Variants in EXOC6B observed in about 807,000 individuals in gnomAD.
EXOC6B encodes SEC15 homolog B.
EXOC6B carries 54 observed loss-of-function variants against 113.5 expected under a neutral mutation model. The ratio of observed to expected loss-of-function variants is 0.48; its 90% CI spans 0.38 to 0.60. EXOC6B has a LOEUF of 0.60. Among genes scored for constraint, EXOC6B ranks in the 20% least tolerant of loss-of-function variants. The pLI is 0.00. For missense variants in EXOC6B, 797 were observed against 977.5 expected, an observed-to-expected ratio of 0.82 and a Z score of 2.46; for synonymous variants, 357 against 339.0, an observed-to-expected ratio of 1.05 and a Z score of -0.58.
chr2:72,241,717 T>C (rs529959760), intron 20 of EXOC6B, among the ~76,000 whole-genome samples: 2 of 152,006 alleles, frequency 1.3e-5, no homozygotes, highest in Non-Finnish European at 2.9e-5. Context: ...ATATTTAAAA[T>C]GTTGAAAGAA....
intron 6 of EXOC6B, among the ~76,000 whole-genome samples, chr2:72,673,866 T>G (rs887511632): frequency 2.0e-5 from 3 of 151,940 alleles, no homozygotes; most frequent in African/African-American, 7.2e-5. Flanking sequence ...TGTACTTAGT[T>G]TTTAAATTCC....
rs201934111 is a variant in EXOC6B at position 72,660,819 on chromosome 2, C to CT, written c.669+57283dup. Among the ~76,000 whole-genome samples, 917 of 143,984 alleles carry CT rather than the reference C, an allele frequency of 6.4e-3. 9 individuals are homozygous for CT. Among genetic ancestry groups the CT allele is most frequent in the African/African-American group, 0.019 (769 of 39,734 alleles). The allele number at this position is 143,984 out of a possible 152,430, so 94.5% of individuals were successfully genotyped here. On this transcript the variant is annotated intron_variant, in intron 6 of 21. Coordinates refer to ENST00000272427, the MANE Select transcript of EXOC6B (RefSeq NM_015189.3). Reference sequence around the variant, plus strand: ...ATTACACAATTGGCACTAAGTTTACCTTTTTTTTTTTTTTCCTTCTGGTAT... The same window carrying CT: ...ATTACACAATTGGCACTAAGTTTACCTTTTTTTTTTTTTTTCCTTCTGGTAT...
intron 18 of EXOC6B, among the ~76,000 whole-genome samples, chr2:72,442,908 CA>C (rs1192486109): frequency 6.6e-6 from 1 of 151,924 alleles, no homozygotes; most frequent in Non-Finnish European, 1.5e-5. Context: ...CATTATGAAC[CA>C]AAAAAGAGCC....
intron 19 of EXOC6B, among the ~76,000 whole-genome samples, chr2:72,360,973 T>C (rs1379474212): frequency 6.6e-6 from 1 of 151,840 alleles, no homozygotes; most frequent in Non-Finnish European, 1.5e-5. Flanking sequence ...TGACCCCTTA[T>C]TCTTCTCCAA....
chr2:72,315,562 G>A (rs1327995746), intron 20 of EXOC6B, among the ~76,000 whole-genome samples: 3 of 152,124 alleles, frequency 2.0e-5, no homozygotes, highest in South Asian at 4.1e-4. Context: ...AAGCTATTGC[G>A]AGAATACTTA....
intron 20 of EXOC6B, among the ~76,000 whole-genome samples, chr2:72,318,785 A>G (rs1200817172): frequency 6.6e-6 from 1 of 152,164 alleles, no homozygotes. Flanking sequence ...AAATATGGAC[A>G]CTAGTAAATT....
intron 20 of EXOC6B, among the ~76,000 whole-genome samples, chr2:72,224,474 A>T (rs563558065): frequency 4.6e-5 from 7 of 152,198 alleles, no homozygotes; most frequent in Non-Finnish European, 1.0e-4. Context: ...AATAAAATCA[A>T]CAGTACAAAA....
chr2:72,600,391 A>G (rs1317315110), intron 6 of EXOC6B, among the ~76,000 whole-genome samples: 2 of 150,052 alleles, frequency 1.3e-5, no homozygotes, highest in African/African-American at 5.0e-5. Flanking sequence ...GCACTGAGCC[A>G]AGATTGTGCC....
At chr2:72,611,639 C>T (rs982815149) in intron 6 of EXOC6B, among the ~76,000 whole-genome samples, 1 of 152,068 alleles carries the variant, frequency 6.6e-6, no homozygotes, top group African/African-American at 2.4e-5. Context: ...TATAGGAACA[C>T]TTCATATTAT....
chr2:72,755,770 C>A (rs1558976440), intron 1 of EXOC6B, among the ~76,000 whole-genome samples: 1 of 152,150 alleles, frequency 6.6e-6, no homozygotes, highest in South Asian at 2.1e-4. Flanking sequence ...GATTAAACTG[C>A]AACAAGACCT....
At chr2:72,243,602 G>A (rs778962699) in intron 20 of EXOC6B, among the ~76,000 whole-genome samples, 2 of 152,100 alleles carry the variant, frequency 1.3e-5, no homozygotes, top group Non-Finnish European at 2.9e-5. Context: ...GTGGGGTGGG[G>A]GGCACAGGGA....
intron 5 of EXOC6B, among the ~76,000 whole-genome samples, chr2:72,725,452 G>A (rs990630541): frequency 6.6e-6 from 1 of 151,772 alleles, no homozygotes; most frequent in Non-Finnish European, 1.5e-5. Flanking sequence ...AGTGCAGTGC[G>A]CCATCTCGGC....
intron 1 of EXOC6B, among the ~76,000 whole-genome samples, chr2:72,750,737 T>G (rs145595802): frequency 1.3e-5 from 2 of 152,058 alleles, no homozygotes; most frequent in African/African-American, 2.4e-5. Context: ...CTGAGAAATC[T>G]CAACTGACAA....
At chr2:72,634,392 C>G (rs1268492510) in intron 6 of EXOC6B, among the ~76,000 whole-genome samples, 2 of 152,150 alleles carry the variant, frequency 1.3e-5, no homozygotes. Context: ...CATCATTACC[C>G]CACCAAAAAC....
At chr2:72,481,361 C>G (rs997394164) in intron 16 of EXOC6B, among the ~76,000 whole-genome samples, 2 of 152,150 alleles carry the variant, frequency 1.3e-5, no homozygotes, top group Non-Finnish European at 2.9e-5. Flanking sequence ...TCACTGTATT[C>G]TAAAGGTATG....
chr2:72,679,127 C>T (rs1172921988), intron 6 of EXOC6B, among the ~76,000 whole-genome samples: 3 of 151,912 alleles, frequency 2.0e-5, no homozygotes, highest in East Asian at 3.9e-4. Flanking sequence ...ATAGTAATGG[C>T]GTGATCTCGG....
At chr2:72,685,253 G>GAA (rs765496791) in intron 6 of EXOC6B, among the ~76,000 whole-genome samples, 14 of 151,012 alleles carry the variant, frequency 9.3e-5, no homozygotes, top group Non-Finnish European at 1.9e-4. Context: ...GAAATGTTAA[G>GAA]AAAAAAAAAG....
chr2:72,771,576 C>T (rs1211995949), intron 1 of EXOC6B, among the ~76,000 whole-genome samples: 2 of 152,148 alleles, frequency 1.3e-5, no homozygotes, highest in African/African-American at 4.8e-5. Flanking sequence ...TGGAAAGTAT[C>T]CAGTCTAAGA....
chr2:72,449,796 G>C (rs1019226106), intron 18 of EXOC6B, among the ~76,000 whole-genome samples: 3 of 152,108 alleles, frequency 2.0e-5, no homozygotes, highest in African/African-American at 7.2e-5. Context: ...AGCACATACA[G>C]GCAGAAGCAC....
Sources: allele counts gnomAD v4.1 joint callset (sites outside exome capture counted in the v4.1 genomes callset), GRCh38; gene constraint gnomAD v4.1.1; transcripts MANE v1.5; gene names NCBI Gene and HGNC (gene_info 2026-07-23, HGNC 2026-07-21).